The following MIGA1 variants were observed in gnomAD, a reference collection of about 807,000 sequenced individuals.
The protein encoded by MIGA1 is family with sequence similarity 73, member A.
A neutral mutation model predicts 82.0 loss-of-function variants in MIGA1; 58 were observed. The ratio of observed to expected loss-of-function variants is 0.71; its 90% CI spans 0.57 to 0.88. The LOEUF (loss-of-function observed/expected upper bound fraction) is 0.88, where lower values mean the gene tolerates loss of function less well. Ranked by LOEUF, MIGA1 falls within the 40% of genes least tolerant of loss-of-function variation. MIGA1 has a pLI of 0.00. For synonymous variants in MIGA1, 249 were observed against 253.6 expected, an observed-to-expected ratio of 0.98 and a Z score of 0.17; for missense variants, 751 against 749.1, an observed-to-expected ratio of 1.00 and a Z score of -0.03.
chr1:77,793,970 G>A (rs1378191796), intron 2 of MIGA1, among the ~76,000 whole-genome samples: 1 of 149,180 alleles, frequency 6.7e-6, no homozygotes, highest in Non-Finnish European at 1.5e-5. Context: ...ATTATTTTTT[G>A]TAGAGGTGGG....
At chr1:77,815,589 T>A (rs1200548310) in intron 7 of MIGA1, among the ~76,000 whole-genome samples, 1 of 152,210 alleles carries the variant, frequency 6.6e-6, no homozygotes, top group Non-Finnish European at 1.5e-5. Flanking sequence ...CTTAAAATAC[T>A]TTAAAGAATT....
At chr1:77,846,233 C>T (rs757956298) in intron 8 of MIGA1, among the ~76,000 whole-genome samples, 1 of 151,976 alleles carries the variant, frequency 6.6e-6, no homozygotes, top group Non-Finnish European at 1.5e-5. Flanking sequence ...TCATACCATG[C>T]GATATGTTGT....
chr1:77,817,955 A>ATTTTT (rs10676009), intron 7 of MIGA1, among the ~76,000 whole-genome samples: 5 of 115,596 alleles, frequency 4.3e-5, no homozygotes, highest in African/African-American at 6.8e-5. Flanking sequence ...AGATTGGAAG[A>ATTTTT]TTTTTTTTTT....
chr1:77,865,637 A>C (rs1330898400), intron 13 of MIGA1, among the ~76,000 whole-genome samples: 1 of 152,116 alleles, frequency 6.6e-6, no homozygotes, highest in African/African-American at 2.4e-5. Context: ...TACACATAGA[A>C]TATTTATTTG....
chr1:77,833,761 CTG>C (rs1033931236), intron 7 of MIGA1, among the ~76,000 whole-genome samples: 1 of 152,234 alleles, frequency 6.6e-6, no homozygotes, highest in Non-Finnish European at 1.5e-5. Context: ...GCTCAAGTCT[CTG>C]TAACTGCAGA....
intron 1 of MIGA1, chr1:77,780,254 G>A (rs1462203345): frequency 2.7e-5 from 21 of 780,172 alleles, no homozygotes; most frequent in Non-Finnish European, 3.1e-5. Flanking sequence ...GCAGGGAGTG[G>A]CTTTTGGATG....
At chr1:77,847,570 C>T in intron 8 of MIGA1, 2 of 1,510,090 alleles carry the variant, frequency 1.3e-6, no homozygotes. Context: ...GCATTTGTGA[C>T]ATCTGCATAT....
chr1:77,800,185 C>T (rs572645362), intron 2 of MIGA1, among the ~76,000 whole-genome samples: 1 of 152,256 alleles, frequency 6.6e-6, no homozygotes, highest in South Asian at 2.1e-4. Context: ...AGGACTCTTT[C>T]AGTATTTTCT....
intron 12 of MIGA1, among the ~76,000 whole-genome samples, chr1:77,863,425 G>A (rs1169028580): frequency 6.6e-6 from 1 of 152,084 alleles, no homozygotes; most frequent in Non-Finnish European, 1.5e-5. Context: ...TTGGATATTT[G>A]CAGGATTATT....
chr1:77,859,686 G>T (rs1236738060), intron 10 of MIGA1: 9 of 383,010 alleles, frequency 2.3e-5, no homozygotes, highest in East Asian at 4.3e-5. Context: ...TTATTAATTA[G>T]TGTGTATTTG....
chr1:77,871,072 C>G (rs1394098381), intron 14 of MIGA1, among the ~76,000 whole-genome samples: 6 of 105,334 alleles, frequency 5.7e-5, no homozygotes, highest in East Asian at 6.5e-4. Flanking sequence ...AGAGGGAGAC[C>G]GTGGAAGGAG....
chr1:77,841,772 C>T (rs11162388), intron 7 of MIGA1, among the ~76,000 whole-genome samples: 6 of 148,940 alleles, frequency 4.0e-5, no homozygotes, highest in East Asian at 2.0e-4. Context: ...CCTTTCTCTC[C>T]CTCTCTCTCT....
intron 8 of MIGA1, among the ~76,000 whole-genome samples, chr1:77,850,993 C>T (rs763550455): frequency 1.3e-5 from 2 of 152,130 alleles, no homozygotes; most frequent in African/African-American, 2.4e-5. Flanking sequence ...CCTCAGCCTC[C>T]CAAGTAGCTG....
intron 9 of MIGA1, 24 bp from the exon 10 acceptor site, chr1:77,859,290 T>C: frequency 6.3e-7 from 1 of 1,577,940 alleles, no homozygotes; most frequent in Non-Finnish European, 8.7e-7. Flanking sequence ...AGTTTAACAA[T>C]TGTCTCCCCT....
intron 2 of MIGA1, among the ~76,000 whole-genome samples, chr1:77,785,336 C>A (rs1682111377): frequency 6.6e-6 from 1 of 151,902 alleles, no homozygotes; most frequent in African/African-American, 2.4e-5. Context: ...TCCAGCAGGG[C>A]AGTCAAAAAT....
chr1:77,785,787 T>C (rs555415300), intron 2 of MIGA1, among the ~76,000 whole-genome samples: 2 of 152,336 alleles, frequency 1.3e-5, no homozygotes, highest in African/African-American at 2.4e-5. Context: ...CCCTCCCGGC[T>C]GCTTTTATGG....
At chr1:77,813,447 T>C (rs1390069747) in intron 5 of MIGA1, among the ~76,000 whole-genome samples, 1 of 152,246 alleles carries the variant, frequency 6.6e-6, no homozygotes, top group Non-Finnish European at 1.5e-5. Flanking sequence ...TTCTGATGAA[T>C]TCATTATATT....
intron 14 of MIGA1, 87 bp from the exon 15 acceptor site, chr1:77,872,917 T>C (rs975097671): frequency 6.4e-7 from 1 of 1,550,866 alleles, no homozygotes; most frequent in East Asian, 2.2e-5. Context: ...ACTGGTCATA[T>C]AATGAATAGC....
intron 7 of MIGA1, among the ~76,000 whole-genome samples, chr1:77,833,910 G>A (rs941614728): frequency 2.6e-5 from 4 of 152,164 alleles, no homozygotes; most frequent in Non-Finnish European, 5.9e-5. Flanking sequence ...CTTTCCTTGT[G>A]TTACTCACTT....
Sources: gnomAD v4.1 joint callset for allele counts (sites outside exome capture counted in the v4.1 genomes callset) on GRCh38, gnomAD v4.1.1 for gene constraint, MANE v1.5 for transcripts, NCBI Gene and HGNC (gene_info 2026-07-23, HGNC 2026-07-21) for gene names.